Variants in PIEZO2 observed in about 807,000 individuals in gnomAD.
PIEZO2 encodes the protein piezo-type mechanosensitive ion channel component 2.
PIEZO2 carries 172 observed loss-of-function variants against 337.3 expected under a neutral mutation model. The observed-to-expected ratio is 0.51, with a 90% confidence interval of 0.45 to 0.58. The LOEUF (loss-of-function observed/expected upper bound fraction) is 0.58. Ranked by LOEUF, PIEZO2 falls within the 20% of genes least tolerant of loss-of-function variation. PIEZO2 has a pLI of 0.00. For synonymous variants in PIEZO2, 1,251 were observed against 1,228.5 expected (o/e 1.02, Z -0.38); for missense variants, 3,028 against 3,391.3 (o/e 0.89, Z 2.66).
Position 10,828,102 on chromosome 18 carries a change from G to A in PIEZO2, c.918-20828C>T, listed in dbSNP as rs2040730713. On this transcript the variant is annotated intron_variant, in intron 7 of 55. Transcript: ENST00000674853. The surrounding 1 kb of genome is among the most constrained non-coding windows in gnomAD (Gnocchi z 4.1). ...GCATTCAATAAACCTAGACAAGCTCGAAATAGCATGACGGTTTTTTTTTGT... is the reference window on the plus strand; with the variant it reads ...GCATTCAATAAACCTAGACAAGCTCAAAATAGCATGACGGTTTTTTTTTGT... 6.7e-6 allele frequency among the ~76,000 whole-genome samples: 1 copy of A among 149,752 alleles called. No individual in the cohort carries two copies. Among genetic ancestry groups the A allele is most frequent in the Admixed American group, 6.7e-5 (1 of 14,948 alleles).
At chr18:11,103,674 T>C (rs140746741) in intron 1 of PIEZO2, among the ~76,000 whole-genome samples, 1 of 152,330 alleles carries the variant, frequency 6.6e-6, no homozygotes, top group African/African-American at 2.4e-5. Context: ...TCTCCATTGC[T>C]TCTGTGCCCC....
At chr18:10,817,437 T>A (rs1273855757) in intron 7 of PIEZO2, among the ~76,000 whole-genome samples, 1 of 152,206 alleles carries the variant, frequency 6.6e-6, no homozygotes, top group South Asian at 2.1e-4. Flanking sequence ...TAAAGCTAGA[T>A]ACATGGCACT....
At position 11,009,854 on chromosome 18, in the gene PIEZO2, G is replaced by A. The variant is rs575490732; in HGVS notation, c.161-30194C>T. Reference sequence around the variant, plus strand: ...CGCGGACAGGCACAGAAGGGAGACCGCATGGAGACACAAAGAGAAGACAGC... The same window carrying A: ...CGCGGACAGGCACAGAAGGGAGACCACATGGAGACACAAAGAGAAGACAGC... On this transcript the variant is annotated intron_variant, in intron 2 of 55. Transcript: ENST00000674853. The surrounding 1 kb of genome is among the most constrained non-coding windows in gnomAD (Gnocchi z 4.6). Among the ~76,000 whole-genome samples, 60 of 152,172 alleles carry A rather than the reference G, an allele frequency of 3.9e-4. No homozygotes were observed. Among genetic ancestry groups the A allele is most frequent in the African/African-American group, 1.4e-3 (59 of 41,516 alleles).
Position 10,680,298 on chromosome 18 carries a change from G to T in PIEZO2, c.7853C>A (p.Ser2618Tyr). Residue 2618 changes from serine to tyrosine, a missense_variant, in exon 52 of 56, where the codon TCT (serine) becomes TAT (tyrosine). Ser to Tyr is a moderately radical substitution (Grantham distance 144). This residue lies in a region of PIEZO2 where 332 missense variants were observed against 363.8 expected (regional missense o/e 0.91). Coordinates refer to ENST00000674853, the MANE Select transcript of PIEZO2 (RefSeq NM_001378183.1). ...TVAELEGNSN[S>Y]LWTISPPSKQ... Reference sequence around the variant, plus strand: ...ACTGGGTGGGCTGATGGTCCACAAAGAATTTGAGTTTCCTTCCAGTTCTGC... The same window carrying T: ...ACTGGGTGGGCTGATGGTCCACAAATAATTTGAGTTTCCTTCCAGTTCTGC... The T allele has an allele frequency of 6.2e-7, 1 of 1,614,090 alleles. No individual in the cohort carries two copies. Among genetic ancestry groups the T allele is most frequent in the Non-Finnish European group, 8.5e-7 (1 of 1,179,948 alleles).
At chr18:11,082,139 T>A (rs945162932) in intron 1 of PIEZO2, among the ~76,000 whole-genome samples, 48 of 151,954 alleles carry the variant, frequency 3.2e-4, no homozygotes, top group Non-Finnish European at 5.7e-4. Flanking sequence ...CAGTTTGGGG[T>A]AAATTGCATG....
chr18:10,707,460 G>C lies in PIEZO2; in HGVS notation c.5588+815C>G, dbSNP rs1351429052. Among the ~76,000 whole-genome samples, 2 of 152,078 alleles carry C rather than the reference G, an allele frequency of 1.3e-5. No individual in the cohort carries two copies. The highest frequency in any genetic ancestry group is 3.9e-4 in the East Asian group (2 of 5,192). Reference sequence around the variant, plus strand: ...CGAGATACACGGCTGCCAGTGAAAAGAAGATGCCCTCTGACTTGCCACCAT... The same window carrying C: ...CGAGATACACGGCTGCCAGTGAAAACAAGATGCCCTCTGACTTGCCACCAT... On this transcript the variant is annotated intron_variant, in intron 40 of 55. Transcript: ENST00000674853. This position sits in a 1 kb window ranked among gnomAD's most constrained non-coding sequence, Gnocchi z 4.2.
At position 10,752,689 on chromosome 18, in the gene PIEZO2, C is replaced by T. The variant is rs534984825; in HGVS notation, c.4114G>A (p.Asp1372Asn). Residue 1372 changes from aspartate (D) to asparagine (N), a missense_variant, in exon 28 of 56, where the codon GAC becomes AAC. By Grantham distance (23) the Asp-to-Asn change is conservative. Transcript: ENST00000674853. ...KPIKSILRYW[D>N]WLIAYNVFVI... Reference sequence around the variant, plus strand: ...AAAACGTTGTATGCGATCAGCCAGTCCCAGTAGCGCAGGATGCTCTTGATG... The same window carrying T: ...AAAACGTTGTATGCGATCAGCCAGTTCCAGTAGCGCAGGATGCTCTTGATG... 67 of 1,537,112 alleles carry T rather than the reference C, an allele frequency of 4.4e-5. 1 individual carries two copies. The highest frequency in any genetic ancestry group is 5.6e-5 in the Non-Finnish European group (64 of 1,146,914).
At position 10,863,245 on chromosome 18, in the gene PIEZO2, T is replaced by C. The variant is rs2041921860; in HGVS notation, c.493-6034A>G. On this transcript the variant is annotated intron_variant, in intron 5 of 55. Transcript: ENST00000674853. The surrounding 1 kb of genome is among the most constrained non-coding windows in gnomAD (Gnocchi z 4.3). Reference sequence around the variant, plus strand: ...GACTCACTGCAGAAGATGAATTTCATCCCCAGGGTTCCCTTGTGAAAGGAA... The same window carrying C: ...GACTCACTGCAGAAGATGAATTTCACCCCCAGGGTTCCCTTGTGAAAGGAA... Among the ~76,000 whole-genome samples, 1 of 152,150 alleles carries C rather than the reference T, an allele frequency of 6.6e-6. No individual in the cohort carries two copies. The highest frequency in any genetic ancestry group is 1.5e-5 in the Non-Finnish European group (1 of 68,032).
intron 53 of PIEZO2, among the ~76,000 whole-genome samples, chr18:10,675,827 T>C (rs2033974665): frequency 6.6e-6 from 1 of 152,098 alleles, no homozygotes; most frequent in South Asian, 2.1e-4. Context: ...GTTCTTGTGA[T>C]AGTGAATAAG....
chr18:11,140,348 C>T (rs538568587), intron 1 of PIEZO2, among the ~76,000 whole-genome samples: 1 of 152,318 alleles, frequency 6.6e-6, no homozygotes, highest in Non-Finnish European at 1.5e-5. Flanking sequence ...GTGTAGGCCA[C>T]CTTTTGGTGC....
chr18:10,939,606 T>C (rs2032612586), intron 3 of PIEZO2, among the ~76,000 whole-genome samples: 1 of 152,220 alleles, frequency 6.6e-6, no homozygotes, highest in African/African-American at 2.4e-5. Context: ...AATGAGTTCA[T>C]GTCCTTTGCA....
rs1002731322 is a variant in PIEZO2 at position 10,759,680 on chromosome 18, C to A, written c.3655+25G>T. On this transcript the variant is annotated intron_variant, in intron 25 of 55. Coordinates refer to ENST00000674853, the MANE Select transcript of PIEZO2 (RefSeq NM_001378183.1). This position sits in a 1 kb window ranked among gnomAD's most constrained non-coding sequence, Gnocchi z 5.5. ...AGTAATGGCTTCTTCTAAAAGTAGACGGCTCAAGGGAAGGGCAGGCTCACC... is the reference window on the plus strand; with the variant it reads ...AGTAATGGCTTCTTCTAAAAGTAGAAGGCTCAAGGGAAGGGCAGGCTCACC... 6.5e-7 allele frequency: 1 copy of A among 1,536,756 alleles called. No individual in the cohort carries two copies. Among genetic ancestry groups the A allele is most frequent in the Admixed American group, 2.0e-5 (1 of 50,988 alleles).
chr18:10,806,165 T>C (rs9945135), intron 8 of PIEZO2, among the ~76,000 whole-genome samples: 118,402 of 152,014 alleles, frequency 0.78, 46,138 homozygotes, highest in East Asian at 0.93. Flanking sequence ...CTGCAGGGCC[T>C]CAGGCTAGAA....
intron 3 of PIEZO2, among the ~76,000 whole-genome samples, chr18:10,935,822 G>A (rs1165463548): frequency 1.3e-5 from 2 of 152,170 alleles, no homozygotes; most frequent in Non-Finnish European, 2.9e-5. Context: ...CAGCAGCAAC[G>A]CTCCGGCAGT....
In PIEZO2 at chr18:10,672,719, G is replaced by T. The variant is rs903357786; in HGVS notation, c.8316C>A (p.Pro2772=). 12 of 1,613,984 alleles carry T rather than the reference G, an allele frequency of 7.4e-6. No individual in the cohort carries two copies. The highest frequency in any genetic ancestry group is 1.3e-5 in the African/African-American group (1 of 75,010). Reference sequence around the variant, plus strand: ...AGCCAGCCAGGAACCCCAGACTTGGGGGACTGACTTTGTCATTGAAGACCA... The same window carrying T: ...AGCCAGCCAGGAACCCCAGACTTGGTGGACTGACTTTGTCATTGAAGACCA... ...ELVVFNDKVS[P]PSLGFLAGYG... Residue 2772 remains proline, a synonymous_variant, in exon 55 of 56, where the codon CCC becomes CCA. Transcript: ENST00000674853. This position sits in a 1 kb window ranked among gnomAD's most constrained non-coding sequence, Gnocchi z 4.7.
chr18:11,079,241 C>A (rs2038652368), intron 1 of PIEZO2, among the ~76,000 whole-genome samples: 1 of 152,194 alleles, frequency 6.6e-6, no homozygotes. Flanking sequence ...TCCCTGCTTT[C>A]TCCTAAAGTG....
intron 23 of PIEZO2, 63 bp from the exon 24 acceptor site, chr18:10,761,174 A>G (rs2038114458): frequency 1.4e-6 from 2 of 1,380,636 alleles, no homozygotes; most frequent in Non-Finnish European, 9.9e-7. Flanking sequence ...ATTTCAAGCA[A>G]TCCCCACATT....
chr18:10,802,037 G>A (rs1439124465), intron 9 of PIEZO2, among the ~76,000 whole-genome samples: 3 of 133,496 alleles, frequency 2.2e-5, no homozygotes, highest in Non-Finnish European at 4.6e-5. Context: ...AGTGAGCCGA[G>A]ATCCCGCCAC....
chr18:10,784,123 C>T lies in PIEZO2; in HGVS notation c.2492+661G>A, dbSNP rs117097359. Among the ~76,000 whole-genome samples the T allele has an allele frequency of 6.6e-3, 1,006 of 152,258 alleles. 7 individuals are homozygous for T. The highest frequency in any genetic ancestry group is 0.01 in the Non-Finnish European group (691 of 68,016). ...ACTAAAAGAATGCTTGTGATCTCCCCGTGATGGAACACAGTGAAGGATTTG... is the reference window on the plus strand; with the variant it reads ...ACTAAAAGAATGCTTGTGATCTCCCTGTGATGGAACACAGTGAAGGATTTG... On this transcript the variant is annotated intron_variant, in intron 17 of 55. Transcript: ENST00000674853. This position sits in a 1 kb window ranked among gnomAD's most constrained non-coding sequence, Gnocchi z 4.5.
Sources: gnomAD v4.1 joint callset for allele counts (sites outside exome capture counted in the v4.1 genomes callset) on GRCh38, gnomAD v4.1.1 for gene constraint, gnomAD v4.1.1 regional missense constraint, Gnocchi (gnomAD v3.1) non-coding constraint, MANE v1.5 for transcripts, NCBI Gene and HGNC (gene_info 2026-07-23, HGNC 2026-07-21) for gene names.